The following CERS5 variants were observed in gnomAD, a reference collection of about 807,000 sequenced individuals.
CERS5 encodes LAG1 homolog, ceramide synthase 5.
CERS5 carries 37 observed loss-of-function variants against 58.9 expected under a neutral mutation model. The observed-to-expected ratio is 0.63, with a 90% CI of 0.48 to 0.83. The LOEUF (loss-of-function observed/expected upper bound fraction) is 0.83. Among genes scored for constraint, CERS5 ranks in the 40% least tolerant of loss-of-function variants. The pLI, the probability that CERS5 is intolerant of heterozygous loss-of-function variation, is 0.00. For synonymous variants in CERS5, 147 were observed against 177.8 expected, an observed-to-expected ratio of 0.83 and a Z score of 1.38; for missense variants, 398 against 489.3, an observed-to-expected ratio of 0.81 and a Z score of 1.76.
intron 1 of CERS5, chr12:50,153,772 TG>T: frequency 3.4e-6 from 1 of 294,928 alleles, no homozygotes; most frequent in South Asian, 2.5e-5. Flanking sequence ...CTGGCCAATA[TG>T]GTGAAACCCC....
At chr12:50,145,670 GA>G (rs34463989) in intron 1 of CERS5, among the ~76,000 whole-genome samples, 14,010 of 148,562 alleles carry the variant, frequency 0.094, 692 homozygotes, top group Middle Eastern at 0.16. Flanking sequence ...CGGTGGGGGG[GA>G]AAAAAAAAAT....
intron 9 of CERS5, chr12:50,132,899 G>A: frequency 7.8e-7 from 1 of 1,282,318 alleles, no homozygotes. Flanking sequence ...GAGAGCAGGA[G>A]GAAAGAGAAC....
chr12:50,156,037 T>C (rs1293235777), intron 1 of CERS5, among the ~76,000 whole-genome samples: 16 of 144,188 alleles, frequency 1.1e-4, no homozygotes, highest in Non-Finnish European at 9.0e-5. Context: ...GAAGCAGAGG[T>C]TGCAGTGAGC....
rs1951678275 is a variant in CERS5 at position 50,136,012 on chromosome 12, A to G, written c.694T>C (p.Tyr232His). 3 of 1,518,958 alleles carry G rather than the reference A, an allele frequency of 2.0e-6. No individual in the cohort carries two copies. The highest frequency in any genetic ancestry group is 2.6e-6 in the Non-Finnish European group (3 of 1,136,702). The allele number at this position is 1,518,958 out of a possible 1,614,324, so 94.1% of individuals were successfully genotyped here. A position where few individuals can be genotyped will look rare whatever the true frequency, so the allele number is the denominator to read the frequency against. Reference protein sequence around the residue: ...LVTIGLISFSYINNMVRVGTL... With the variant: ...LVTIGLISFSHINNMVRVGTL... ...CCCACTCGAACCATATTGTTGATGT[A>G]GGAGAAGGAGATAAGCCCAATGGTG... The change falls in exon 7 of 10, where the codon TAC becomes CAC. Residue 232 changes from tyrosine (Y) to histidine (H), a missense_variant. Physicochemically the swap from Tyr to His is moderately conservative, Grantham distance 83 (BLOSUM62 2). This residue lies in a region of CERS5 where 328 missense variants were observed against 384.5 expected (regional missense o/e 0.85). Transcript: ENST00000317551.
chr12:50,142,350 C>T (rs902079111), intron 3 of CERS5, among the ~76,000 whole-genome samples: 7 of 152,064 alleles, frequency 4.6e-5, no homozygotes, highest in Admixed American at 1.3e-4. Flanking sequence ...GTCAAGAGAT[C>T]GAGACTATCC....
chr12:50,132,879 G>A, intron 9 of CERS5: 2 of 1,265,738 alleles, frequency 1.6e-6, no homozygotes, highest in Non-Finnish European at 2.0e-6. Flanking sequence ...AAACACAAGG[G>A]AACAGAAAGG....
Position 50,167,090 on chromosome 12 carries a change from C to A in CERS5, c.197+11G>T, listed in dbSNP as rs768318128. ...GCCCGGCCCCCGAGCCGCTCGCTCCCGGGCTCTCACCGCTCGAAGAGCAGC... is the reference window on the plus strand; with the variant it reads ...GCCCGGCCCCCGAGCCGCTCGCTCCAGGGCTCTCACCGCTCGAAGAGCAGC... On this transcript the variant is annotated intron_variant, in intron 1 of 9. Coordinates refer to ENST00000317551, the MANE Select transcript of CERS5 (RefSeq NM_147190.5). 1.3e-5 allele frequency: 20 copies of A among 1,525,074 alleles called. No homozygotes were observed. Among genetic ancestry groups the A allele is most frequent in the Middle Eastern group, 1.7e-4 (1 of 5,722 alleles). The allele number at this position is 1,525,074 out of a possible 1,614,324, so 94.5% of individuals were successfully genotyped here. A position where few individuals can be genotyped will look rare whatever the true frequency, so the allele number is the denominator to read the frequency against.
At chr12:50,153,268 G>GTTTT (rs1938174570) in intron 1 of CERS5, among the ~76,000 whole-genome samples, 4 of 72,598 alleles carry the variant, frequency 5.5e-5, no homozygotes, top group East Asian at 3.2e-4. Context: ...AAACTAATAT[G>GTTTT]ATTTTTTTTT....
intron 1 of CERS5, chr12:50,148,554 A>G: frequency 2.8e-6 from 1 of 351,430 alleles, no homozygotes; most frequent in South Asian, 2.0e-5. Flanking sequence ...CTGAGATCTC[A>G]CCACTGCACT....
intron 1 of CERS5, chr12:50,144,848 T>TA: frequency 6.9e-7 from 1 of 1,453,908 alleles, no homozygotes; most frequent in Non-Finnish European, 9.2e-7. Flanking sequence ...TTAAAAAGAA[T>TA]AAAAAAGCCG....
Position 50,129,981 on chromosome 12 carries a change from G to A in CERS5, c.*564C>T, listed in dbSNP as rs1194603448. On this transcript the variant is annotated 3_prime_UTR_variant, in exon 10 of 10. Coordinates refer to ENST00000317551, the MANE Select transcript of CERS5 (RefSeq NM_147190.5). The stretch of plus-strand genomic sequence containing the variant: ...GTTGCTATCAGGTGATTGATAGGAA[G>A]GGGATCTAGCTAGGGACCACGGCAA... 6.6e-6 allele frequency: 1 copy of A among 152,494 alleles called. No homozygotes were observed. Among genetic ancestry groups the A allele is most frequent in the African/African-American group, 2.4e-5 (1 of 41,432 alleles). 9.4% of individuals were successfully genotyped at this position (152,494 alleles called of 1,614,324 possible). A position where few individuals can be genotyped will look rare whatever the true frequency, so the allele number is the denominator to read the frequency against.
chr12:50,152,645 A>C (rs1938096403), intron 1 of CERS5, among the ~76,000 whole-genome samples: 1 of 152,182 alleles, frequency 6.6e-6, no homozygotes, highest in South Asian at 2.1e-4. Context: ...TATGGCTCCC[A>C]AGGAAAACCA....
In CERS5 at chr12:50,143,098, G is replaced by A. The variant is rs1182053954; in HGVS notation, c.410C>T (p.Thr137Met). The change falls in exon 3 of 10, where the codon ACG becomes ATG. Residue 137 changes from threonine to methionine, a missense_variant. This residue lies in a region of CERS5 where 328 missense variants were observed against 384.5 expected (regional missense o/e 0.85). Coordinates refer to ENST00000317551, the MANE Select transcript of CERS5 (RefSeq NM_147190.5). ...CATGCTTTCACAGAATTTAGTAAGC[G>A]TTGGGGGCTTGTCCTGATTCCTCCG... ...RHRRNQDKPP[T>M]LTKFCESMWR... 27 of 1,612,446 alleles carry A rather than the reference G, an allele frequency of 1.7e-5. No homozygotes were observed. Among genetic ancestry groups the A allele is most frequent in the Middle Eastern group, 1.6e-4 (1 of 6,066 alleles).
chr12:50,157,391 T>C (rs1938778868), intron 1 of CERS5, among the ~76,000 whole-genome samples: 1 of 151,284 alleles, frequency 6.6e-6, no homozygotes, highest in South Asian at 2.1e-4. Context: ...AAAACAGTAA[T>C]TACTGTACTA....
chr12:50,148,166 G>T (rs1164773252), intron 1 of CERS5, among the ~76,000 whole-genome samples: 1 of 151,980 alleles, frequency 6.6e-6, no homozygotes, highest in Non-Finnish European at 1.5e-5. Flanking sequence ...AGACAGGTGT[G>T]GTAGCTCATG....
chr12:50,137,851 C>G, intron 5 of CERS5, 31 bp from the exon 6 acceptor site: 1 of 1,444,440 alleles, frequency 6.9e-7, no homozygotes, highest in Non-Finnish European at 9.7e-7. Flanking sequence ...GTTAGATTAC[C>G]GGCTAGTCAA....
At chr12:50,153,618 T>A (rs1938229632) in intron 1 of CERS5, among the ~76,000 whole-genome samples, 1 of 152,028 alleles carries the variant, frequency 6.6e-6, no homozygotes, top group African/African-American at 2.4e-5. Context: ...CATAACTGAA[T>A]GAACCAGTAT....
At chr12:50,150,892 G>A (rs1031087597) in intron 1 of CERS5, among the ~76,000 whole-genome samples, 2 of 152,148 alleles carry the variant, frequency 1.3e-5, no homozygotes, top group African/African-American at 2.4e-5. Flanking sequence ...TTTAGGCTAA[G>A]AAGAAAATGG....
chr12:50,136,626 C>T lies in CERS5; in HGVS notation c.637-557G>A, dbSNP rs186747262. Reference sequence around the variant, plus strand: ...AATTTCCTTTGGTAACTGCAGAATACGTATAGCATGGATGCTAAGCTGACA... The same window carrying T: ...AATTTCCTTTGGTAACTGCAGAATATGTATAGCATGGATGCTAAGCTGACA... On this transcript the variant is annotated intron_variant, in intron 6 of 9. Coordinates refer to ENST00000317551, the MANE Select transcript of CERS5 (RefSeq NM_147190.5). Among the ~76,000 whole-genome samples the T allele has an allele frequency of 4.6e-5, 7 of 152,274 alleles. No homozygotes were observed. In the East Asian group the frequency reaches 1.3e-3, roughly 29 times the overall value.
Sources: gnomAD v4.1 joint callset for allele counts (sites outside exome capture counted in the v4.1 genomes callset) on GRCh38, gnomAD v4.1.1 for gene constraint, gnomAD v4.1.1 regional missense constraint, MANE v1.5 for transcripts, NCBI Gene and HGNC (gene_info 2026-07-23, HGNC 2026-07-21) for gene names.